CDH12: variants seen among roughly 807,000 people sequenced by gnomAD.
CDH12 encodes cadherin-12.
In CDH12, 41 loss-of-function variants were observed where a neutral mutation model predicts 74.1. That is an observed-to-expected ratio of 0.55 (90% confidence interval 0.43 to 0.72). CDH12 has a LOEUF of 0.72. Among genes scored for constraint, CDH12 ranks in the 30% least tolerant of loss-of-function variants. CDH12 has a pLI of 0.00. For synonymous variants in CDH12, 399 were observed against 355.0 expected, an observed-to-expected ratio of 1.12 and a Z score of -1.39; for missense variants, 945 against 977.2, an observed-to-expected ratio of 0.97 and a Z score of 0.44.
At chr5:22,727,662 T>C (rs1744228801) in intron 1 of CDH12, among the ~76,000 whole-genome samples, 1 of 151,766 alleles carries the variant, frequency 6.6e-6, no homozygotes, top group African/African-American at 2.4e-5. Context: ...CTTTTTCTTC[T>C]GCCTGAAAAT....
intron 14 of CDH12, among the ~76,000 whole-genome samples, chr5:21,752,471 T>TA: frequency 6.6e-6 from 1 of 152,228 alleles, no homozygotes; most frequent in East Asian, 1.9e-4. Flanking sequence ...TGTCTTTATA[T>TA]TAAAGTATTT....
At chr5:21,931,498 G>C (rs561268786) in intron 6 of CDH12, among the ~76,000 whole-genome samples, 1 of 152,196 alleles carries the variant, frequency 6.6e-6, no homozygotes, top group South Asian at 2.1e-4. Context: ...CACTAATAGC[G>C]GTGCTTGAAC....
intron 3 of CDH12, among the ~76,000 whole-genome samples, chr5:22,236,865 G>A (rs1261264301): frequency 6.6e-6 from 1 of 152,034 alleles, no homozygotes; most frequent in Admixed American, 6.5e-5. Flanking sequence ...AAGGTCTTCA[G>A]GGGCAGTAAT....
intron 1 of CDH12, among the ~76,000 whole-genome samples, chr5:22,806,371 G>C (rs1041675106): frequency 2.4e-5 from 1 of 40,866 alleles, no homozygotes; most frequent in African/African-American, 9.6e-5. Context: ...TTTTTTTTTT[G>C]AGATGGAGTC....
intron 6 of CDH12, among the ~76,000 whole-genome samples, chr5:21,918,148 A>T (rs1754184528): frequency 1.6e-5 from 1 of 64,058 alleles, no homozygotes; most frequent in East Asian, 1.5e-3. Context: ...TTTTTAAAAG[A>T]TTTTTCACAT....
intron 3 of CDH12, among the ~76,000 whole-genome samples, chr5:22,361,679 A>G (rs920825294): frequency 1.2e-4 from 19 of 152,172 alleles, no homozygotes; most frequent in South Asian, 4.1e-4. Flanking sequence ...ACTTCAAACT[A>G]TACTACAAGG....
intron 2 of CDH12, among the ~76,000 whole-genome samples, chr5:22,459,299 T>C (rs572580050): frequency 6.6e-6 from 1 of 152,296 alleles, no homozygotes; most frequent in South Asian, 2.1e-4. Flanking sequence ...TAATATTTTA[T>C]TCTTATTTTA....
chr5:21,864,503 G>T (rs1477829615), intron 6 of CDH12, among the ~76,000 whole-genome samples: 1 of 152,066 alleles, frequency 6.6e-6, no homozygotes. Flanking sequence ...GCCCATACTG[G>T]ATGCAACTTC....
chr5:22,478,691 T>C (rs1200992654), intron 2 of CDH12, among the ~76,000 whole-genome samples: 1 of 151,840 alleles, frequency 6.6e-6, no homozygotes, highest in Non-Finnish European at 1.5e-5. Flanking sequence ...GTTGAATTGA[T>C]GAGGGGAAAA....
intron 3 of CDH12, among the ~76,000 whole-genome samples, chr5:22,284,841 G>C (rs920819538): frequency 6.6e-6 from 1 of 150,602 alleles, no homozygotes; most frequent in Admixed American, 6.7e-5. Flanking sequence ...ATGAAAGAAG[G>C]GATTTTTAAA....
At chr5:22,144,903 A>G (rs1277096561) in intron 4 of CDH12, among the ~76,000 whole-genome samples, 1 of 152,142 alleles carries the variant, frequency 6.6e-6, no homozygotes, top group Non-Finnish European at 1.5e-5. Context: ...AATAGACTAT[A>G]TATATTCTGT....
chr5:21,994,352 A>G (rs1736148212), intron 5 of CDH12, among the ~76,000 whole-genome samples: 1 of 152,124 alleles, frequency 6.6e-6, no homozygotes, highest in Non-Finnish European at 1.5e-5. Flanking sequence ...ATCAATTCCA[A>G]CAAGTATTCT....
chr5:22,692,109 C>T lies in CDH12; in HGVS notation c.-523+160949G>A, dbSNP rs999005239. Among the ~76,000 whole-genome samples, 17 of 152,030 alleles carry T rather than the reference C, an allele frequency of 1.1e-4. 1 individual carries two copies. Among genetic ancestry groups the T allele is most frequent in the South Asian group, 2.1e-4 (1 of 4,822 alleles). On this transcript the variant is annotated intron_variant, in intron 1 of 14. Coordinates refer to ENST00000382254, the MANE Select transcript of CDH12 (RefSeq NM_004061.5). The stretch of plus-strand genomic sequence containing the variant: ...CATGAATAAATTAGTGCAGTAGTAG[C>T]GGTGGTAATGAGTCAGTTCTTGCTC...
chr5:22,716,903 T>C (rs1246064499), intron 1 of CDH12, among the ~76,000 whole-genome samples: 1 of 152,018 alleles, frequency 6.6e-6, no homozygotes, highest in African/African-American at 2.4e-5. Flanking sequence ...GAATAAAATA[T>C]AGAAAAGAAT....
rs1002229392 is a variant in CDH12 at position 22,578,503 on chromosome 5, T to C, written c.-522-73139A>G. 2.0e-5 allele frequency among the ~76,000 whole-genome samples: 3 copies of C among 152,176 alleles called. No homozygotes were observed. In the South Asian group the frequency reaches 6.2e-4, roughly 31 times the overall value. ...GCTCCTAAAACAAGCATCACTCTTT[T>C]GTAGAATACGGTTTTAGATTATAAA... is the stretch of plus-strand genomic sequence containing the variant. On this transcript the variant is annotated intron_variant, in intron 1 of 14. Coordinates refer to ENST00000382254, the MANE Select transcript of CDH12 (RefSeq NM_004061.5).
intron 3 of CDH12, among the ~76,000 whole-genome samples, chr5:22,245,538 G>A (rs942626366): frequency 2.0e-5 from 3 of 152,052 alleles, no homozygotes; most frequent in African/African-American, 7.2e-5. Flanking sequence ...AGATACAAAT[G>A]ATAGGGCACA....
intron 3 of CDH12, among the ~76,000 whole-genome samples, chr5:22,366,745 AT>A (rs1741048374): frequency 6.6e-6 from 1 of 152,218 alleles, no homozygotes; most frequent in Non-Finnish European, 1.5e-5. Context: ...TTGTTGCCAT[AT>A]TACTAGCTTC....
chr5:21,805,432 A>G (rs920456184), intron 9 of CDH12, among the ~76,000 whole-genome samples: 4 of 152,146 alleles, frequency 2.6e-5, no homozygotes, highest in Non-Finnish European at 5.9e-5. Context: ...CAGCAGGCAA[A>G]TATCTGGTTG....
intron 3 of CDH12, among the ~76,000 whole-genome samples, chr5:22,228,494 T>C (rs1752271396): frequency 6.6e-6 from 1 of 152,194 alleles, no homozygotes; most frequent in South Asian, 2.1e-4. Context: ...CCCCTCTGTA[T>C]ATAAATGTTT....
Sources: allele counts gnomAD v4.1 joint callset (sites outside exome capture counted in the v4.1 genomes callset), GRCh38; gene constraint gnomAD v4.1.1; transcripts MANE v1.5; gene names NCBI Gene and HGNC (gene_info 2026-07-23, HGNC 2026-07-21).